Variants in STK32B observed in about 807,000 individuals in gnomAD.
STK32B encodes the protein serine/threonine kinase 32B.
In STK32B, 43 loss-of-function variants were observed where a neutral mutation model predicts 52.6. The ratio of observed to expected loss-of-function variants is 0.82; its 90% CI spans 0.64 to 1.05. The LOEUF (loss-of-function observed/expected upper bound fraction) is 1.05. Ranked by LOEUF, STK32B falls within the 50% of genes least tolerant of loss-of-function variation. STK32B has a pLI of 0.00. For missense variants in STK32B, 621 were observed against 534.6 expected, an observed-to-expected ratio of 1.16 and a Z score of -1.59; for synonymous variants, 238 against 204.3, an observed-to-expected ratio of 1.17 and a Z score of -1.41.
At chr4:5,285,359 A>G (rs991847571) in intron 3 of STK32B, among the ~76,000 whole-genome samples, 6 of 152,172 alleles carry the variant, frequency 3.9e-5, no homozygotes, top group African/African-American at 1.4e-4. Context: ...CACAATAGTT[A>G]TAAACATTCT....
intron 3 of STK32B, among the ~76,000 whole-genome samples, chr4:5,250,367 C>T (rs1031477059): frequency 1.7e-4 from 24 of 140,898 alleles, no homozygotes; most frequent in African/African-American, 5.7e-4. Flanking sequence ...GGCTGGAGTG[C>T]ACTGATGTGA....
At chr4:5,120,787 A>T (rs893215970) in intron 1 of STK32B, among the ~76,000 whole-genome samples, 1 of 151,970 alleles carries the variant, frequency 6.6e-6, no homozygotes, top group Admixed American at 6.6e-5. Flanking sequence ...AGCACTTTAC[A>T]TATGTGTATG....
intron 6 of STK32B, among the ~76,000 whole-genome samples, chr4:5,418,127 C>T (rs1440189023): frequency 2.0e-5 from 3 of 152,220 alleles, no homozygotes; most frequent in Non-Finnish European, 2.9e-5. Context: ...GGCTGATGCA[C>T]TGGGGAACCA....
chr4:5,450,980 G>C (rs1715938619), intron 7 of STK32B, among the ~76,000 whole-genome samples: 1 of 152,194 alleles, frequency 6.6e-6, no homozygotes, highest in African/African-American at 2.4e-5. Context: ...GTGCTTCTTG[G>C]TGTTGTGATT....
Position 5,331,634 on chromosome 4 carries a change from T to C in STK32B, c.434+241T>C, listed in dbSNP as rs180784999. 6.6e-5 allele frequency among the ~76,000 whole-genome samples: 10 copies of C among 152,316 alleles called. No homozygotes were observed. The East Asian group carries it at 1.9e-3, about 29-fold the overall frequency. On this transcript the variant is annotated intron_variant, in intron 4 of 11. Coordinates refer to ENST00000282908, the MANE Select transcript of STK32B (RefSeq NM_018401.3). ...GAGACATGGCTGGTGGCTGGCCTTA[T>C]CTTCTCTGCTCCAGTATGCCTAGGG... is the stretch of plus-strand genomic sequence containing the variant.
At chr4:5,249,409 C>T (rs1255016461) in intron 3 of STK32B, among the ~76,000 whole-genome samples, 1 of 151,768 alleles carries the variant, frequency 6.6e-6, no homozygotes, top group East Asian at 1.9e-4. Context: ...CTGATGTCTT[C>T]CTGCCTGTCT....
intron 3 of STK32B, among the ~76,000 whole-genome samples, chr4:5,315,236 T>C (rs1029095001): frequency 8.3e-6 from 1 of 121,212 alleles, no homozygotes; most frequent in African/African-American, 4.5e-5. Flanking sequence ...CCTTCTCCAT[T>C]AGTGAAATGC....
intron 2 of STK32B, among the ~76,000 whole-genome samples, chr4:5,141,445 G>T (rs377497516): frequency 6.6e-6 from 1 of 152,296 alleles, no homozygotes; most frequent in Admixed American, 6.5e-5. Flanking sequence ...CAGTGAAGTC[G>T]GCGAGGCCCA....
At chr4:5,215,698 C>A (rs1723143280) in intron 3 of STK32B, among the ~76,000 whole-genome samples, 1 of 152,066 alleles carries the variant, frequency 6.6e-6, no homozygotes, top group Non-Finnish European at 1.5e-5. Flanking sequence ...TTGTTTAAAC[C>A]AAAGCCACTC....
At chr4:5,204,458 T>TTTTTGTTTTGTTTTG (rs10694962) in intron 3 of STK32B, among the ~76,000 whole-genome samples, 46,918 of 146,620 alleles carry the variant, frequency 0.32, 8,045 homozygotes, top group Admixed American at 0.36. Flanking sequence ...TTTTTAGGTT[T>TTTTTGTTTTGTTTTG]TTTTGTTTTG....
intron 1 of STK32B, among the ~76,000 whole-genome samples, chr4:5,066,518 T>C (rs2108763200): frequency 6.6e-6 from 1 of 152,314 alleles, no homozygotes; most frequent in South Asian, 2.1e-4. Flanking sequence ...TCAAAGATTA[T>C]AACCTGTAAT....
At chr4:5,358,304 C>G (rs1456651264) in intron 4 of STK32B, among the ~76,000 whole-genome samples, 1 of 152,168 alleles carries the variant, frequency 6.6e-6, no homozygotes, top group Non-Finnish European at 1.5e-5. Context: ...GGAAACAAAT[C>G]TTTAAAAGGA....
intron 1 of STK32B, among the ~76,000 whole-genome samples, chr4:5,111,625 AGG>A (rs1714412370): frequency 6.6e-6 from 1 of 152,114 alleles, no homozygotes; most frequent in African/African-American, 2.4e-5. Flanking sequence ...GGGGTTGGGA[AGG>A]GTTGAAAAAT....
At chr4:5,284,619 G>A (rs1237739134) in intron 3 of STK32B, among the ~76,000 whole-genome samples, 1 of 151,522 alleles carries the variant, frequency 6.6e-6, no homozygotes, top group Non-Finnish European at 1.5e-5. Flanking sequence ...TAAAGATGTA[G>A]TGTGAAATTA....
At chr4:5,333,169 CTTT>C (rs1732391648) in intron 4 of STK32B, among the ~76,000 whole-genome samples, 3 of 152,000 alleles carry the variant, frequency 2.0e-5, no homozygotes, top group Admixed American at 6.6e-5. Context: ...TGTTTCCTGA[CTTT>C]TTAATGATTG....
Position 5,325,654 on chromosome 4 carries a change from A to G in STK32B, c.261-5566A>G, listed in dbSNP as rs1194723575. On this transcript the variant is annotated intron_variant, in intron 3 of 11. Coordinates refer to ENST00000282908, the MANE Select transcript of STK32B (RefSeq NM_018401.3). ...AAAATCGCATTCTTTATGCAGTTCT[A>G]TTGCAATAGCCAGGCCAGGATTTAG... Among the ~76,000 whole-genome samples, 6 of 152,158 alleles carry G rather than the reference A, an allele frequency of 3.9e-5. No homozygotes were observed. In the East Asian group the frequency reaches 1.2e-3, roughly 29 times the overall value.
chr4:5,170,515 T>G (rs1367718522), intron 3 of STK32B, among the ~76,000 whole-genome samples: 1 of 151,798 alleles, frequency 6.6e-6, no homozygotes, highest in Non-Finnish European at 1.5e-5. Context: ...TGTGTCCATG[T>G]GTTCTCATTG....
intron 7 of STK32B, among the ~76,000 whole-genome samples, chr4:5,452,665 GA>G (rs1281012410): frequency 4.6e-5 from 7 of 150,694 alleles, no homozygotes; most frequent in Non-Finnish European, 7.4e-5. Context: ...AAGATTTTGG[GA>G]AAAAAAAATT....
intron 8 of STK32B, 31 bp downstream of exon 8, chr4:5,456,954 A>G: frequency 6.7e-7 from 1 of 1,482,622 alleles, no homozygotes; most frequent in Non-Finnish European, 9.1e-7. Flanking sequence ...CTGCCCCGCC[A>G]GGGAGCTACG....
Sources: gnomAD v4.1 joint callset for allele counts (sites outside exome capture counted in the v4.1 genomes callset) on GRCh38, gnomAD v4.1.1 for gene constraint, MANE v1.5 for transcripts, NCBI Gene and HGNC (gene_info 2026-07-23, HGNC 2026-07-21) for gene names.